The following EBF3 variants were observed in gnomAD, a reference collection of about 807,000 sequenced individuals.
EBF3 encodes transcription factor COE3.
A neutral mutation model predicts 77.1 loss-of-function variants in EBF3; 18 were observed. The ratio of observed to expected loss-of-function variants is 0.23; its 90% CI spans 0.16 to 0.35. The LOEUF is 0.35. Ranked by LOEUF, EBF3 falls within the 10% of genes least tolerant of loss-of-function variation. EBF3 has a pLI of 1.00. For missense variants in EBF3, 558 were observed against 860.0 expected, an observed-to-expected ratio of 0.65 and a Z score of 4.39; for synonymous variants, 350 against 343.5, an observed-to-expected ratio of 1.02 and a Z score of -0.21.
intron 8 of EBF3, among the ~76,000 whole-genome samples, chr10:129,872,180 C>T (rs1212458071): frequency 6.6e-6 from 1 of 152,176 alleles, no homozygotes; most frequent in Non-Finnish European, 1.5e-5. Flanking sequence ...AAGCTCCACT[C>T]TCTAGGGAAG....
At chr10:129,917,380 A>C (rs1449765623) in intron 6 of EBF3, among the ~76,000 whole-genome samples, 2 of 152,218 alleles carry the variant, frequency 1.3e-5, no homozygotes, top group African/African-American at 4.8e-5. Context: ...AGGAAAAAAA[A>C]CAAAAAAAGT....
At chr10:129,954,746 G>A (rs10829665) in intron 6 of EBF3, among the ~76,000 whole-genome samples, 27,823 of 152,076 alleles carry the variant, frequency 0.18, 2,715 homozygotes, top group East Asian at 0.25. Flanking sequence ...ACAAGGAGCC[G>A]GCAAAGCACG....
intron 3 of EBF3, 140 bp from the exon 4 acceptor site, chr10:129,962,366 G>T: frequency 1.4e-6 from 1 of 705,774 alleles, no homozygotes; most frequent in Non-Finnish European, 2.4e-6. Flanking sequence ...TTGAAAGGGA[G>T]AAAGAGAACC....
chr10:129,962,474 A>G (rs1859601557), intron 3 of EBF3, among the ~76,000 whole-genome samples: 1 of 151,988 alleles, frequency 6.6e-6, no homozygotes, highest in Admixed American at 6.5e-5. Flanking sequence ...TGCCTGGTGG[A>G]GAGCAGGCCT....
At chr10:129,932,770 C>T (rs929503230) in intron 6 of EBF3, among the ~76,000 whole-genome samples, 25 of 152,300 alleles carry the variant, frequency 1.6e-4, no homozygotes, top group Admixed American at 3.3e-4. Flanking sequence ...AACTCGCTGA[C>T]AGAGCCGGCA....
chr10:129,905,117 C>T (rs1855050706), intron 6 of EBF3, among the ~76,000 whole-genome samples: 1 of 152,246 alleles, frequency 6.6e-6, no homozygotes, highest in South Asian at 2.1e-4. Flanking sequence ...CAGCTCTTCC[C>T]TGCCCTTGTC....
At chr10:129,928,591 T>A (rs1856819751) in intron 6 of EBF3, among the ~76,000 whole-genome samples, 1 of 152,216 alleles carries the variant, frequency 6.6e-6, no homozygotes, top group Non-Finnish European at 1.5e-5. Context: ...TTATCTGCAT[T>A]TCTAGGTGCT....
intron 3 of EBF3, among the ~76,000 whole-genome samples, chr10:129,962,593 T>TAAA (rs931900354): frequency 1.4e-5 from 2 of 145,258 alleles, no homozygotes; most frequent in African/African-American, 5.0e-5. Flanking sequence ...CTCGAGGATT[T>TAAA]AAAAAAAAAA....
rs545559228 is a variant in EBF3, at chr10:129,858,704, C to T, written c.1039+8437G>A. Among the ~76,000 whole-genome samples the T allele has an allele frequency of 9.2e-5, 14 of 152,212 alleles. No individual in the cohort carries two copies. In the South Asian group the frequency reaches 2.5e-3, roughly 27 times the overall value. ...CTCGCAGAATCCACCCTCCCTAATC[C>T]GACCCCCTGGATTTCCTGACTTTAG... On this transcript the variant is annotated intron_variant, in intron 10 of 16. Transcript: ENST00000440978.
chr10:129,928,866 T>C (rs1467610968), intron 6 of EBF3, among the ~76,000 whole-genome samples: 1 of 152,264 alleles, frequency 6.6e-6, no homozygotes, highest in African/African-American at 2.4e-5. Context: ...AGAACGCTGC[T>C]GACACGGCCA....
intron 6 of EBF3, among the ~76,000 whole-genome samples, chr10:129,883,574 T>C (rs1051803446): frequency 6.6e-6 from 1 of 152,146 alleles, no homozygotes; most frequent in African/African-American, 2.4e-5. Context: ...GTGTGAATCA[T>C]GGAGGTGACA....
intron 6 of EBF3, among the ~76,000 whole-genome samples, chr10:129,893,879 C>T (rs1228869609): frequency 6.6e-6 from 1 of 152,216 alleles, no homozygotes; most frequent in Non-Finnish European, 1.5e-5. Context: ...GTCAGCAGAC[C>T]TGCTGGCTTC....
At chr10:129,916,731 G>A (rs150121706) in intron 6 of EBF3, among the ~76,000 whole-genome samples, 3 of 152,288 alleles carry the variant, frequency 2.0e-5, no homozygotes, top group East Asian at 3.9e-4. Flanking sequence ...TGGACCCTTC[G>A]CTGAGGCCAT....
rs1317741558 is a variant in EBF3, at chr10:129,885,051, A to G, written c.555-7202T>C. On this transcript the variant is annotated intron_variant, in intron 6 of 16. Transcript: ENST00000440978. The surrounding 1 kb of genome is among the most constrained non-coding windows in gnomAD (Gnocchi z 4.0). Reference sequence around the variant, plus strand: ...TTAACCCTTCACAGCCTAGAGCCACACTAGGCCCCACCGTCCCTCCAAAGA... The same window carrying G: ...TTAACCCTTCACAGCCTAGAGCCACGCTAGGCCCCACCGTCCCTCCAAAGA... Among the ~76,000 whole-genome samples, 1 of 152,154 alleles carries G rather than the reference A, an allele frequency of 6.6e-6. No homozygotes were observed. The highest frequency in any genetic ancestry group is 2.4e-5 in the African/African-American group (1 of 41,426).
At chr10:129,865,335 A>G (rs1157064028) in intron 10 of EBF3, among the ~76,000 whole-genome samples, 1 of 152,086 alleles carries the variant, frequency 6.6e-6, no homozygotes, top group Non-Finnish European at 1.5e-5. Flanking sequence ...AATTTTTTGA[A>G]CCCCATTGTG....
chr10:129,840,172 GCCCCCA>G, intron 15 of EBF3, 67 bp downstream of exon 15: 1 of 1,456,154 alleles, frequency 6.9e-7, no homozygotes, highest in Non-Finnish European at 9.2e-7. Flanking sequence ...GAAAGGCCGA[GCCCCCA>G]CCCCCACTCC....
intron 8 of EBF3, among the ~76,000 whole-genome samples, chr10:129,871,295 G>C (rs191475821): frequency 6.3e-4 from 96 of 152,332 alleles, no homozygotes; most frequent in Admixed American, 1.5e-3. Context: ...CTGAAAGGGA[G>C]AATGGTTGTT....
At chr10:129,883,166 A>G (rs1441641111) in intron 6 of EBF3, among the ~76,000 whole-genome samples, 2 of 152,156 alleles carry the variant, frequency 1.3e-5, no homozygotes, top group East Asian at 3.9e-4. Context: ...TGGTTTCTCC[A>G]GCGCTTGAAA....
At chr10:129,871,522 G>C (rs188010075) in intron 8 of EBF3, among the ~76,000 whole-genome samples, 2 of 152,242 alleles carry the variant, frequency 1.3e-5, no homozygotes, top group Admixed American at 1.3e-4. Context: ...GTTTTGGGGG[G>C]CACTTTCCTT....
Sources: gnomAD v4.1 joint callset for allele counts (sites outside exome capture counted in the v4.1 genomes callset) on GRCh38, gnomAD v4.1.1 for gene constraint, Gnocchi (gnomAD v3.1) non-coding constraint, MANE v1.5 for transcripts, NCBI Gene and HGNC (gene_info 2026-07-23, HGNC 2026-07-21) for gene names.